The following GPC4 variants were observed in gnomAD, a reference collection of about 807,000 sequenced individuals.
GPC4 encodes the protein glypican-4.
Under a neutral mutation model 35.0 loss-of-function variants are expected in GPC4, and 10 were observed. That is an observed-to-expected ratio of 0.29 (90% CI 0.18 to 0.48). The LOEUF (loss-of-function observed/expected upper bound fraction) is 0.48. GPC4 is among the 20% of genes least tolerant of loss of function. GPC4 has a pLI of 0.99. For missense variants in GPC4, 322 were observed against 451.3 expected, an observed-to-expected ratio of 0.71 and a Z score of 2.60; for synonymous variants, 167 against 170.2, an observed-to-expected ratio of 0.98 and a Z score of 0.15.
At chrX:133,353,434 G>C (rs1306323700) in intron 1 of GPC4, among the ~76,000 whole-genome samples, 2 of 112,070 alleles carry the variant, frequency 1.8e-5, no homozygotes, top group Non-Finnish European at 3.8e-5. Flanking sequence ...CTCACAAATT[G>C]AAAGTATCAG....
intron 3 of GPC4, among the ~76,000 whole-genome samples, chrX:133,313,984 G>A (rs1321838691): frequency 1.8e-5 from 2 of 112,120 alleles, no homozygotes; most frequent in African/African-American, 3.2e-5. Flanking sequence ...CGTGGCATTT[G>A]TTGAATATTA....
intron 1 of GPC4, among the ~76,000 whole-genome samples, chrX:133,387,719 T>C (rs1309223266): frequency 2.7e-5 from 3 of 111,788 alleles, no homozygotes; most frequent in Non-Finnish European, 5.6e-5. Context: ...AAATGAGCGC[T>C]AGATTTCATT....
intron 1 of GPC4, among the ~76,000 whole-genome samples, chrX:133,390,946 T>G (rs1040147797): frequency 8.9e-6 from 1 of 111,837 alleles, no homozygotes; most frequent in Non-Finnish European, 1.9e-5. Flanking sequence ...GTGATGTTTA[T>G]GTGCTCATGT....
At chrX:133,412,319 G>A (rs1394487005) in intron 1 of GPC4, among the ~76,000 whole-genome samples, 2 of 112,255 alleles carry the variant, frequency 1.8e-5, no homozygotes, top group East Asian at 2.8e-4. Context: ...TATACTGGCC[G>A]TCTAAAGGTA....
At chrX:133,368,812 T>A (rs2068600532) in intron 1 of GPC4, among the ~76,000 whole-genome samples, 1 of 109,977 alleles carries the variant, frequency 9.1e-6, no homozygotes, top group Non-Finnish European at 1.9e-5. Flanking sequence ...ACCCAGCTAA[T>A]TTTTTGTATT....
intron 1 of GPC4, among the ~76,000 whole-genome samples, chrX:133,387,717 G>A (rs1402128576): frequency 4.5e-5 from 5 of 111,482 alleles, no homozygotes; most frequent in Non-Finnish European, 9.4e-5. Flanking sequence ...GTAAATGAGC[G>A]CTAGATTTCA....
intron 4 of GPC4, among the ~76,000 whole-genome samples, chrX:133,307,083 G>A (rs1260975107): frequency 8.9e-6 from 1 of 112,259 alleles, no homozygotes; most frequent in Non-Finnish European, 1.9e-5. Flanking sequence ...CTTCATTAAC[G>A]ACAAACAGTG....
In GPC4 at chrX:133,303,159, T is replaced by C. The variant is rs1362447572; in HGVS notation, c.1468+7A>G. 5.0e-6 allele frequency: 6 copies of C among 1,210,763 alleles called. No individual in the cohort carries two copies. The South Asian group carries it at 1.1e-4, about 21-fold the overall frequency. On this transcript the variant is annotated splice_region_variant and intron_variant, in intron 8 of 8. Transcript: ENST00000370828. Reference sequence around the variant, plus strand: ...GCAATTCGTACTTTCAAACCACAAATGCTTACTGATATCAAAGAAGTCCAC... The same window carrying C: ...GCAATTCGTACTTTCAAACCACAAACGCTTACTGATATCAAAGAAGTCCAC...
intron 1 of GPC4, among the ~76,000 whole-genome samples, chrX:133,403,781 T>C (rs887585334): frequency 9.2e-6 from 1 of 108,713 alleles, no homozygotes; most frequent in Admixed American, 9.8e-5. Flanking sequence ...CTGCAATCTC[T>C]GCCTCCCAAG....
chrX:133,320,713 A>G (rs1269040072), intron 3 of GPC4, among the ~76,000 whole-genome samples: 1 of 109,889 alleles, frequency 9.1e-6, no homozygotes. Context: ...TATTAAGAAA[A>G]ATTCACACCA....
chrX:133,310,045 T>G (rs2068307878), intron 4 of GPC4, among the ~76,000 whole-genome samples: 1 of 111,574 alleles, frequency 9.0e-6, no homozygotes, highest in Non-Finnish European at 1.9e-5. Flanking sequence ...ACATCTTTTT[T>G]TATCCCCCTG....
intron 2 of GPC4, among the ~76,000 whole-genome samples, chrX:133,332,306 TG>T (rs1482000992): frequency 2.7e-5 from 3 of 111,867 alleles, no homozygotes; most frequent in African/African-American, 9.8e-5. Flanking sequence ...ATGAAATACA[TG>T]TTGCTACGTG....
chrX:133,400,915 TG>T (rs1170813448), intron 1 of GPC4, among the ~76,000 whole-genome samples: 1 of 6,639 alleles, frequency 1.5e-4, no homozygotes, highest in Non-Finnish European at 2.9e-4. Flanking sequence ...CTGCAGGGGG[TG>T]GGGGGGTGGG....
chrX:133,314,865 G>A (rs2068330023), intron 3 of GPC4, among the ~76,000 whole-genome samples: 1 of 111,177 alleles, frequency 9.0e-6, no homozygotes, highest in Admixed American at 9.5e-5. Flanking sequence ...AGAAGAAACA[G>A]CAATAATGCT....
At chrX:133,374,215 C>T (rs1396214767) in intron 1 of GPC4, among the ~76,000 whole-genome samples, 1 of 111,151 alleles carries the variant, frequency 9.0e-6, no homozygotes, top group African/African-American at 3.3e-5. Context: ...CCCATAGCCA[C>T]CAAAGGGATG....
At chrX:133,409,209 G>A (rs1307952266) in intron 1 of GPC4, among the ~76,000 whole-genome samples, 2 of 104,784 alleles carry the variant, frequency 1.9e-5, no homozygotes, top group Admixed American at 2.1e-4. Context: ...TATAATCCCA[G>A]CTACTCTGGA....
chrX:133,307,398 C>T (rs940201924), intron 4 of GPC4, among the ~76,000 whole-genome samples: 4 of 112,206 alleles, frequency 3.6e-5, no homozygotes, highest in Non-Finnish European at 5.6e-5. Context: ...TTTTAATGCA[C>T]GGGGTCATTT....
intron 3 of GPC4, among the ~76,000 whole-genome samples, chrX:133,312,358 C>T (rs1468751631): frequency 9.0e-6 from 1 of 110,942 alleles, no homozygotes; most frequent in Non-Finnish European, 1.9e-5. Context: ...TTGCCAGGCA[C>T]GGTGGCTCAC....
intron 1 of GPC4, among the ~76,000 whole-genome samples, chrX:133,406,404 C>T (rs945405159): frequency 1.6e-4 from 18 of 112,391 alleles, no homozygotes; most frequent in African/African-American, 5.8e-4. Context: ...TCTCAAACAA[C>T]ATTTTGTGAT....
Sources: gnomAD v4.1 joint callset for allele counts (sites outside exome capture counted in the v4.1 genomes callset) on GRCh38, gnomAD v4.1.1 for gene constraint, MANE v1.5 for transcripts, NCBI Gene and HGNC (gene_info 2026-07-23, HGNC 2026-07-21) for gene names.